Variants in ARMC9 observed in about 807,000 individuals in gnomAD.
The protein encoded by ARMC9 is lisH domain-containing protein ARMC9.
Under a neutral mutation model 107.0 loss-of-function variants are expected in ARMC9, and 94 were observed. The observed-to-expected ratio is 0.88, with a 90% CI of 0.74 to 1.04. The LOEUF (loss-of-function observed/expected upper bound fraction) is 1.04. Among genes scored for constraint, ARMC9 ranks in the 50% least tolerant of loss-of-function variants. ARMC9 has a pLI of 0.00. For missense variants in ARMC9, 942 were observed against 1,030.1 expected (o/e 0.91, Z 1.17); for synonymous variants, 380 against 396.9 (o/e 0.96, Z 0.51).
At chr2:231,291,808 C>G (rs1401369702) in intron 18 of ARMC9, among the ~76,000 whole-genome samples, 1 of 149,216 alleles carries the variant, frequency 6.7e-6, no homozygotes, top group Non-Finnish European at 1.5e-5. Context: ...GAGCGAGACT[C>G]CATCTCAAAA....
intron 21 of ARMC9, among the ~76,000 whole-genome samples, chr2:231,354,126 G>A (rs534429930): frequency 1.3e-5 from 2 of 151,884 alleles, no homozygotes; most frequent in African/African-American, 4.8e-5. Context: ...TCAAAACTCA[G>A]AAAAGAGTTC....
chr2:231,337,270 GTATA>G (rs770448501), intron 20 of ARMC9, among the ~76,000 whole-genome samples: 21 of 76,394 alleles, frequency 2.7e-4, no homozygotes, highest in African/African-American at 8.1e-4. Context: ...ACGTGTGTGT[GTATA>G]TATATATATA....
chr2:231,373,933 G>A lies in ARMC9; in HGVS notation c.*2398G>A, dbSNP rs1301618714. 6.6e-6 allele frequency: 1 copy of A among 151,996 alleles called. No homozygotes were observed. The highest frequency in any genetic ancestry group is 2.4e-5 in the African/African-American group (1 of 41,348). 9.4% of individuals were successfully genotyped at this position (151,996 alleles called of 1,614,324 possible). On this transcript the variant is annotated 3_prime_UTR_variant, in exon 25 of 25. Transcript: ENST00000611582. The surrounding 1 kb of genome is among the most constrained non-coding windows in gnomAD (Gnocchi z 4.4). Reference sequence around the variant, plus strand: ...AAAATACATTGAGATTACCAGGTGGGGTATGTGTGGTTCTTCCAGGAAAGT... The same window carrying A: ...AAAATACATTGAGATTACCAGGTGGAGTATGTGTGGTTCTTCCAGGAAAGT...
chr2:231,242,754 T>G (rs1391609427), intron 9 of ARMC9, among the ~76,000 whole-genome samples: 1 of 152,194 alleles, frequency 6.6e-6, no homozygotes, highest in Non-Finnish European at 1.5e-5. Flanking sequence ...CCATTATATC[T>G]TATATATACC....
chr2:231,319,476 G>T (rs1254441651), intron 19 of ARMC9, among the ~76,000 whole-genome samples: 1 of 152,176 alleles, frequency 6.6e-6, no homozygotes, highest in Non-Finnish European at 1.5e-5. Flanking sequence ...CTAGTAAGGG[G>T]TTCTAACCCA....
At chr2:231,350,713 C>T (rs1267830940) in intron 21 of ARMC9, among the ~76,000 whole-genome samples, 5 of 151,786 alleles carry the variant, frequency 3.3e-5, no homozygotes, top group African/African-American at 1.2e-4. Flanking sequence ...CCTTCTCAGC[C>T]CTGGAGGTTG....
rs1002905417 is a variant in ARMC9 at position 231,373,930 on chromosome 2, T to C, written c.*2395T>C. 6.7e-6 allele frequency: 1 copy of C among 149,018 alleles called. No homozygotes were observed. The allele number at this position is 149,018 out of a possible 1,614,324, so 9.2% of individuals were successfully genotyped here. ...AAAAAAATACATTGAGATTACCAGG[T>C]GGGGTATGTGTGGTTCTTCCAGGAA... On this transcript the variant is annotated 3_prime_UTR_variant, in exon 25 of 25. Coordinates refer to ENST00000611582, the MANE Select transcript of ARMC9 (RefSeq NM_001352754.2). The surrounding 1 kb of genome is among the most constrained non-coding windows in gnomAD (Gnocchi z 4.4).
chr2:231,208,416 C>T (rs1417595662), intron 3 of ARMC9, among the ~76,000 whole-genome samples, 164 bp downstream of exon 3: 1 of 152,214 alleles, frequency 6.6e-6, no homozygotes, highest in African/African-American at 2.4e-5. Context: ...CATTTTAAAT[C>T]TCTGTACCCT....
chr2:231,226,667 TC>T, intron 6 of ARMC9, 106 bp from the exon 7 acceptor site: 1 of 1,348,104 alleles, frequency 7.4e-7, no homozygotes, highest in Admixed American at 1.7e-5. Context: ...CTCCGAGAAT[TC>T]TGTTTCATCA....
chr2:231,292,753 C>T (rs967537403), intron 18 of ARMC9, among the ~76,000 whole-genome samples: 38 of 152,238 alleles, frequency 2.5e-4, no homozygotes, highest in African/African-American at 4.8e-4. Context: ...AAGTCACATG[C>T]GTGAATCCCT....
At chr2:231,310,933 C>T (rs1054173018) in intron 19 of ARMC9, among the ~76,000 whole-genome samples, 1 of 151,674 alleles carries the variant, frequency 6.6e-6, no homozygotes, top group African/African-American at 2.4e-5. Context: ...TTGAGACCAG[C>T]CTGGGCAACA....
In ARMC9 at chr2:231,373,001, G is replaced by A. The variant is rs2046087070; in HGVS notation, c.*1466G>A. 6.6e-6 allele frequency: 1 copy of A among 152,204 alleles called. No individual in the cohort carries two copies. The highest frequency in any genetic ancestry group is 2.4e-5 in the African/African-American group (1 of 41,450). The allele number at this position is 152,204 out of a possible 1,614,324, so 9.4% of individuals were successfully genotyped here. ...CAGGGCCGGGACCCTGGTTCATCTC[G>A]TGAATTCTTGGCAGCGGCTCCAGGC... is the stretch of plus-strand genomic sequence containing the variant. On this transcript the variant is annotated 3_prime_UTR_variant, in exon 25 of 25. Transcript: ENST00000611582. This position sits in a 1 kb window ranked among gnomAD's most constrained non-coding sequence, Gnocchi z 4.4.
At chr2:231,256,534 A>C in intron 9 of ARMC9, 52 bp from the exon 10 acceptor site, 1 of 1,592,286 alleles carries the variant, frequency 6.3e-7, no homozygotes, top group Non-Finnish European at 8.6e-7. Context: ...GGATCCGTGC[A>C]TTGCTATCAG....
At chr2:231,223,536 C>T (rs1359578882) in intron 6 of ARMC9, among the ~76,000 whole-genome samples, 1 of 152,202 alleles carries the variant, frequency 6.6e-6, no homozygotes, top group Non-Finnish European at 1.5e-5. Context: ...AAAGTTATTT[C>T]ATAACAAGAA....
At chr2:231,216,592 G>A (rs766880090) in intron 4 of ARMC9, 46 bp from the exon 5 acceptor site, 1 of 1,584,864 alleles carries the variant, frequency 6.3e-7, no homozygotes, top group Non-Finnish European at 8.6e-7. Flanking sequence ...CAGATAGACT[G>A]GGCATTGATC....
chr2:231,337,290 A>ATTTT lies in ARMC9; in HGVS notation c.1878+5415_1878+5418dup, dbSNP rs58078324. On this transcript the variant is annotated intron_variant, in intron 20 of 24. Coordinates refer to ENST00000611582, the MANE Select transcript of ARMC9 (RefSeq NM_001352754.2). Reference sequence around the variant, plus strand: ...TGTGTGTATATATATATATATATATATTTTTTTTTTTTTTTTTTTTTTTTT... The same window carrying ATTTT: ...TGTGTGTATATATATATATATATATATTTTTTTTTTTTTTTTTTTTTTTTTTTTT... Among the ~76,000 whole-genome samples the ATTTT allele has an allele frequency of 1.4e-3, 52 of 38,008 alleles. 1 individual carries two copies. Among genetic ancestry groups the ATTTT allele is most frequent in the Admixed American group, 2.0e-3 (5 of 2,444 alleles). 24.9% of individuals were successfully genotyped at this position (38,008 alleles called of 152,430 possible). A position where few individuals can be genotyped will look rare whatever the true frequency, so the allele number is the denominator to read the frequency against.
At chr2:231,253,645 G>A (rs191034782) in intron 9 of ARMC9, among the ~76,000 whole-genome samples, 1 of 152,338 alleles carries the variant, frequency 6.6e-6, no homozygotes, top group East Asian at 1.9e-4. Context: ...GCAGGTTCTG[G>A]TTCAGGAAGT....
At chr2:231,235,926 G>A (rs529942397) in intron 8 of ARMC9, among the ~76,000 whole-genome samples, 15 of 152,326 alleles carry the variant, frequency 9.8e-5, no homozygotes, top group African/African-American at 3.6e-4. Context: ...ACAAATGTGA[G>A]CCACTGCGCC....
At chr2:231,216,499 A>G (rs777258404) in intron 4 of ARMC9, 139 bp from the exon 5 acceptor site, 2 of 946,806 alleles carry the variant, frequency 2.1e-6, no homozygotes, top group Non-Finnish European at 3.2e-6. Context: ...AGAATTCTAG[A>G]GACAATGCAC....
Sources: gnomAD v4.1 joint callset for allele counts (sites outside exome capture counted in the v4.1 genomes callset) on GRCh38, gnomAD v4.1.1 for gene constraint, Gnocchi (gnomAD v3.1) non-coding constraint, MANE v1.5 for transcripts, NCBI Gene and HGNC (gene_info 2026-07-23, HGNC 2026-07-21) for gene names.